Variants in NCOR2 observed in about 807,000 individuals in gnomAD.
NCOR2 encodes the protein nuclear receptor corepressor 2.
A neutral mutation model predicts 262.9 loss-of-function variants in NCOR2; 81 were observed. The observed-to-expected ratio is 0.31, with a 90% CI of 0.26 to 0.37. NCOR2 has a LOEUF of 0.37. Among genes scored for constraint, NCOR2 ranks in the 10% least tolerant of loss-of-function variants. NCOR2 has a pLI of 1.00. For missense variants in NCOR2, 3,385 were observed against 3,621.4 expected (o/e 0.93, Z 1.68); for synonymous variants, 1,659 against 1,559.3 (o/e 1.06, Z -1.51).
At chr12:124,413,476 G>T (rs763899905) in intron 13 of NCOR2, among the ~76,000 whole-genome samples, 11 of 152,194 alleles carry the variant, frequency 7.2e-5, no homozygotes, top group Non-Finnish European at 1.6e-4. Context: ...CTCCTGGGGG[G>T]TCTGTGGGGC....
At chr12:124,521,381 A>G (rs2050177701) in intron 1 of NCOR2, among the ~76,000 whole-genome samples, 1 of 152,192 alleles carries the variant, frequency 6.6e-6, no homozygotes, top group Admixed American at 6.5e-5. Flanking sequence ...CTGAAAAGCC[A>G]CTTAGATATC....
intron 13 of NCOR2, among the ~76,000 whole-genome samples, chr12:124,419,728 G>A (rs2043107008): frequency 6.6e-6 from 1 of 152,222 alleles, no homozygotes; most frequent in Non-Finnish European, 1.5e-5. Context: ...TATCTTCCTG[G>A]CCACTACGGG....
At chr12:124,441,036 G>A (rs2044772806) in intron 7 of NCOR2, among the ~76,000 whole-genome samples, 1 of 152,178 alleles carries the variant, frequency 6.6e-6, no homozygotes, top group Admixed American at 6.5e-5. Flanking sequence ...GCAGGGTCCT[G>A]TGAGTTTCGA....
At chr12:124,532,722 C>T (rs556774625) in intron 1 of NCOR2, among the ~76,000 whole-genome samples, 56 of 152,256 alleles carry the variant, frequency 3.7e-4, no homozygotes, top group African/African-American at 1.3e-3. Context: ...CGCCGATGGA[C>T]GGGGGACAGA....
rs560397629 is a variant in NCOR2, at chr12:124,548,297, C to T, written c.-164-12686G>A. Among the ~76,000 whole-genome samples the T allele has an allele frequency of 5.9e-5, 9 of 152,276 alleles. No individual in the cohort carries two copies. In the East Asian group the frequency reaches 1.5e-3, roughly 26 times the overall value. ...CGGTCGGTGAGGGCTGAGGAGCTCC[C>T]GGGTGGCCTCTGAATTTATTCTCAG... On this transcript the variant is annotated intron_variant, in intron 1 of 32. Transcript: ENST00000458234. This position sits in a 1 kb window ranked among gnomAD's most constrained non-coding sequence, Gnocchi z 5.1.
chr12:124,419,825 C>A lies in NCOR2; in HGVS notation c.1482+132G>T, dbSNP rs1053809051. 5.0e-6 allele frequency: 4 copies of A among 805,902 alleles called. No individual in the cohort carries two copies. In the African/African-American group the frequency reaches 5.0e-5, roughly 10 times the overall value. The allele number at this position is 805,902 out of a possible 1,614,324, so 49.9% of individuals were successfully genotyped here. A position where few individuals can be genotyped will look rare whatever the true frequency, so the allele number is the denominator to read the frequency against. Reference sequence around the variant, plus strand: ...CCACGGAGGGGAGCCTGCACTCACACTGCCGGTGGCCAAGCAACAACAACT... The same window carrying A: ...CCACGGAGGGGAGCCTGCACTCACAATGCCGGTGGCCAAGCAACAACAACT... On this transcript the variant is annotated intron_variant, in intron 13 of 46. Transcript: ENST00000405201.
chr12:124,403,149 C>A (rs2042072424), intron 13 of NCOR2, among the ~76,000 whole-genome samples: 1 of 152,186 alleles, frequency 6.6e-6, no homozygotes, highest in African/African-American at 2.4e-5. Context: ...GGCCACCTCT[C>A]TAAGCCTCGG....
At chr12:124,498,836 C>T (rs1322402774), upstream of NCOR2, among the ~76,000 whole-genome samples, 2 of 152,244 alleles carry the variant, frequency 1.3e-5, no homozygotes, top group Non-Finnish European at 2.9e-5. Flanking sequence ...CTGTGTCCTA[C>T]ACCACACATA....
At chr12:124,354,141 T>C in exon 27 of NCOR2, 1 of 1,610,486 alleles carries the variant, frequency 6.2e-7, no homozygotes, top group Non-Finnish European at 8.5e-7. Context: ...AGGGCACCCG[T>C]GTGCTGGGAA....
At chr12:124,564,384 A>G (rs2052165201) in intron 1 of NCOR2, among the ~76,000 whole-genome samples, 1 of 152,192 alleles carries the variant, frequency 6.6e-6, no homozygotes, top group Non-Finnish European at 1.5e-5. Context: ...CTCAGGCAGG[A>G]GTTACCAGCT....
intron 39 of NCOR2, 21 bp downstream of exon 41, chr12:124,335,462 T>C: frequency 6.3e-7 from 1 of 1,596,780 alleles, no homozygotes; most frequent in Non-Finnish European, 8.5e-7. Flanking sequence ...TTCGGGGGCC[T>C]GGGTACTGGG....
chr12:124,353,098 T>C (rs2037640128), intron 27 of NCOR2, among the ~76,000 whole-genome samples: 1 of 152,142 alleles, frequency 6.6e-6, no homozygotes, highest in African/African-American at 2.4e-5. Flanking sequence ...CCAAAAGCAA[T>C]CAAAGAGATG....
In NCOR2 at chr12:124,523,727, G is replaced by A. The variant is rs780302255; in HGVS notation, c.-118+11838C>T. Among the ~76,000 whole-genome samples, 38 of 151,854 alleles carry A rather than the reference G, an allele frequency of 2.5e-4. No individual in the cohort carries two copies. Among genetic ancestry groups the A allele is most frequent in the Non-Finnish European group, 3.5e-4 (24 of 67,992 alleles). On this transcript the variant is annotated intron_variant, in intron 1 of 46. Coordinates refer to the NCOR2 transcript ENST00000404621. The surrounding 1 kb of genome is among the most constrained non-coding windows in gnomAD (Gnocchi z 4.0). ...GCTGCATTTAAAACCGTCCTGAGCC[G>A]CAGGTTGGACAAGCTTGCCTTACAA...
At chr12:124,327,018 C>T (rs1593058362) in intron 45 of NCOR2, among the ~76,000 whole-genome samples, 1 of 152,178 alleles carries the variant, frequency 6.6e-6, no homozygotes, top group African/African-American at 2.4e-5. Flanking sequence ...ACAGGCCTGG[C>T]TGCCATTCCC....
chr12:124,346,673 G>T, exon 31 of NCOR2: 1 of 1,578,896 alleles, frequency 6.3e-7, no homozygotes, highest in Non-Finnish European at 8.6e-7. Flanking sequence ...CTCCTTCACC[G>T]TGGCCACCAG....
At chr12:124,343,825 A>G (rs936678868) in intron 32 of NCOR2, among the ~76,000 whole-genome samples, 1 of 152,032 alleles carries the variant, frequency 6.6e-6, no homozygotes, top group East Asian at 1.9e-4. Flanking sequence ...ACAGGGTTTC[A>G]CCATGTTGAC....
chr12:124,422,493 C>T lies in NCOR2; in HGVS notation c.1383+8G>A, dbSNP rs367704845. Reference sequence around the variant, plus strand: ...GACCGAAGGGGTATGGGGCGGGCAGCGACTCACCTTCCTCTCCAGGAATGA... The same window carrying T: ...GACCGAAGGGGTATGGGGCGGGCAGTGACTCACCTTCCTCTCCAGGAATGA... On this transcript the variant is annotated splice_region_variant and intron_variant, in intron 12 of 46. Transcript: ENST00000405201. 8 of 1,613,916 alleles carry T rather than the reference C, an allele frequency of 5.0e-6. No homozygotes were observed. Among genetic ancestry groups the T allele is most frequent in the South Asian group, 3.3e-5 (3 of 91,082 alleles).
rs1248518560 is a variant in NCOR2, at chr12:124,432,261, C to G, written c.883-1474G>C. Among the ~76,000 whole-genome samples the G allele has an allele frequency of 6.6e-6, 1 of 152,180 alleles. No homozygotes were observed. Among genetic ancestry groups the G allele is most frequent in the African/African-American group, 2.4e-5 (1 of 41,444 alleles). ...ATCACACAGGCAGACGACAGAAAGA[C>G]AGGCACATAGTTGCATGGCTATCCA... On this transcript the variant is annotated intron_variant, in intron 8 of 46. Coordinates refer to ENST00000405201, the Ensembl canonical transcript of NCOR2. The surrounding 1 kb of genome is among the most constrained non-coding windows in gnomAD (Gnocchi z 5.1).
At chr12:124,467,714 ATCC>A (rs1365498568) in intron 4 of NCOR2, among the ~76,000 whole-genome samples, 1 of 115,692 alleles carries the variant, frequency 8.6e-6, no homozygotes, top group Non-Finnish European at 1.8e-5. Context: ...CACCCTCATC[ATCC>A]TCATCACCCT....
Sources: allele counts gnomAD v4.1 joint callset (sites outside exome capture counted in the v4.1 genomes callset), GRCh38; gene constraint gnomAD v4.1.1; non-coding constraint Gnocchi (gnomAD v3.1); transcripts MANE v1.5; gene names NCBI Gene and HGNC (gene_info 2026-07-23, HGNC 2026-07-21).